Variants in ITPR1 observed in about 807,000 individuals in gnomAD.
ITPR1 encodes inositol 1,4,5-trisphosphate-gated calcium channel ITPR1.
Under a neutral mutation model 318.4 loss-of-function variants are expected in ITPR1, and 96 were observed. The ratio of observed to expected loss-of-function variants is 0.30; its 90% CI spans 0.26 to 0.36. The LOEUF (loss-of-function observed/expected upper bound fraction) is 0.36, where lower values mean the gene tolerates loss of function less well. Ranked by LOEUF, ITPR1 falls within the 10% of genes least tolerant of loss-of-function variation. The pLI is 1.00. For missense variants in ITPR1, 2,440 were observed against 3,460.2 expected, an observed-to-expected ratio of 0.71 and a Z score of 7.40; for synonymous variants, 1,312 against 1,289.9, an observed-to-expected ratio of 1.02 and a Z score of -0.37.
At chr3:4,606,107 C>A (rs1270098605) in intron 4 of ITPR1, among the ~76,000 whole-genome samples, 1 of 152,202 alleles carries the variant, frequency 6.6e-6, no homozygotes, top group Non-Finnish European at 1.5e-5. Context: ...TTTAAAACAA[C>A]AGTGGAAGAC....
At chr3:4,684,964 A>T in intron 29 of ITPR1, 105 bp from the exon 30 acceptor site, 1 of 1,104,230 alleles carries the variant, frequency 9.1e-7, no homozygotes, top group Non-Finnish European at 1.3e-6. Context: ...TTACGTTTTT[A>T]ATGCATTATA....
intron 4 of ITPR1, among the ~76,000 whole-genome samples, chr3:4,554,480 C>G (rs986510882): frequency 2.0e-5 from 3 of 152,154 alleles, no homozygotes; most frequent in Admixed American, 2.0e-4. Context: ...GTTTTTGATG[C>G]TGGCTATGTG....
chr3:4,599,398 A>T (rs2091099215), intron 4 of ITPR1, among the ~76,000 whole-genome samples: 1 of 152,240 alleles, frequency 6.6e-6, no homozygotes, highest in African/African-American at 2.4e-5. Context: ...GAGATTTTAC[A>T]TAAAAAACAA....
intron 19 of ITPR1, 87 bp downstream of exon 19, chr3:4,669,860 T>G: frequency 7.7e-7 from 1 of 1,297,788 alleles, no homozygotes; most frequent in Non-Finnish European, 1.0e-6. Flanking sequence ...CCCTATCATT[T>G]TTTGAGTTGA....
chr3:4,677,981 A>G (rs2094218224), intron 24 of ITPR1, among the ~76,000 whole-genome samples: 4 of 152,120 alleles, frequency 2.6e-5, no homozygotes. Context: ...ACTTTTATTC[A>G]TCAACAAAAT....
chr3:4,778,226 A>C (rs941075776), intron 48 of ITPR1, among the ~76,000 whole-genome samples: 1 of 152,316 alleles, frequency 6.6e-6, no homozygotes. Flanking sequence ...TTAACAATTG[A>C]GCTTGCAGGC....
intron 55 of ITPR1, among the ~76,000 whole-genome samples, chr3:4,807,991 A>C (rs1313820735): frequency 1.3e-5 from 2 of 152,248 alleles, no homozygotes; most frequent in East Asian, 3.9e-4. Context: ...AGACACTTCG[A>C]CCTTTCCTCC....
chr3:4,515,558 T>C (rs142445319), intron 2 of ITPR1, among the ~76,000 whole-genome samples: 3 of 152,356 alleles, frequency 2.0e-5, no homozygotes, highest in Non-Finnish European at 4.4e-5. Flanking sequence ...AGTTTGTTTT[T>C]TAATTGTCAA....
intron 41 of ITPR1, among the ~76,000 whole-genome samples, chr3:4,725,784 CA>C (rs2042473951): frequency 6.6e-6 from 1 of 152,102 alleles, no homozygotes; most frequent in Non-Finnish European, 1.5e-5. Context: ...GAGCTGGATC[CA>C]AACTGAGCAT....
intron 10 of ITPR1, 124 bp downstream of exon 10, chr3:4,645,852 A>G: frequency 1.2e-6 from 1 of 847,968 alleles, no homozygotes; most frequent in Non-Finnish European, 1.9e-6. Flanking sequence ...ATACACCCAC[A>G]TACACACACC....
At chr3:4,679,034 A>G (rs765241511) in intron 24 of ITPR1, among the ~76,000 whole-genome samples, 3 of 152,168 alleles carry the variant, frequency 2.0e-5, no homozygotes, top group Non-Finnish European at 2.9e-5. Flanking sequence ...GGTTCTGTAA[A>G]TGGAACAGGC....
chr3:4,778,861 T>G (rs2046642973), intron 48 of ITPR1, among the ~76,000 whole-genome samples: 1 of 152,144 alleles, frequency 6.6e-6, no homozygotes. Flanking sequence ...CCCAACAGCT[T>G]TCAAGTCCTG....
At chr3:4,721,236 A>C (rs892780448) in intron 40 of ITPR1, among the ~76,000 whole-genome samples, 3 of 145,198 alleles carry the variant, frequency 2.1e-5, no homozygotes. Context: ...TAATGACTGA[A>C]GTTGTATAAT....
intron 45 of ITPR1, chr3:4,768,196 C>T (rs1466143887): frequency 3.7e-6 from 1 of 267,626 alleles, no homozygotes; most frequent in Non-Finnish European, 7.0e-6. Context: ...GGATGCTCTC[C>T]CATTTTAAAG....
chr3:4,533,445 A>G (rs1298586341), intron 4 of ITPR1, among the ~76,000 whole-genome samples: 1 of 152,210 alleles, frequency 6.6e-6, no homozygotes, highest in Non-Finnish European at 1.5e-5. Context: ...GCCATGGTGA[A>G]TAACACTGTG....
At chr3:4,627,403 G>A (rs778045000) in intron 4 of ITPR1, among the ~76,000 whole-genome samples, 1 of 152,116 alleles carries the variant, frequency 6.6e-6, no homozygotes, top group East Asian at 1.9e-4. Context: ...GGCGGAGGTC[G>A]CAGTGAGCCG....
chr3:4,513,938 T>G (rs1182235692), intron 2 of ITPR1, among the ~76,000 whole-genome samples: 1 of 152,078 alleles, frequency 6.6e-6, no homozygotes, highest in African/African-American at 2.4e-5. Context: ...ATACAAACGT[T>G]TAGCCAGGCA....
rs982010047 is a variant in ITPR1, at chr3:4,800,573, C to T, written c.7080C>T (p.Pro2360=). ...LRLIFSVGLQ[P]TLFLLGAFNV... Reference sequence around the variant, plus strand: ...TGATATTTTCAGTCGGGTTACAACCCACGTTGTTTCTTCTGGGCGCTTTCA... The same window carrying T: ...TGATATTTTCAGTCGGGTTACAACCTACGTTGTTTCTTCTGGGCGCTTTCA... Residue 2360 remains proline, a synonymous_variant, in exon 54 of 62, where the codon CCC becomes CCT. Transcript: ENST00000649015. 1.2e-6 allele frequency: 2 copies of T among 1,614,000 alleles called. No homozygotes were observed. The highest frequency in any genetic ancestry group is 1.7e-6 in the Non-Finnish European group (2 of 1,179,874).
At chr3:4,619,404 T>C (rs1408063808) in intron 4 of ITPR1, among the ~76,000 whole-genome samples, 2 of 152,158 alleles carry the variant, frequency 1.3e-5, no homozygotes, top group Non-Finnish European at 2.9e-5. Context: ...TGTAAGTTAC[T>C]TTCCTTTCTT....
Sources: allele counts gnomAD v4.1 joint callset (sites outside exome capture counted in the v4.1 genomes callset), GRCh38; gene constraint gnomAD v4.1.1; transcripts MANE v1.5; gene names NCBI Gene and HGNC (gene_info 2026-07-23, HGNC 2026-07-21).